Variants in DNAH7 observed in about 807,000 individuals in gnomAD.
The protein encoded by DNAH7 is axonemal beta dynein heavy chain 7.
Under a neutral mutation model 444.6 loss-of-function variants are expected in DNAH7, and 397 were observed. The observed-to-expected ratio is 0.89, with a 90% CI of 0.82 to 0.97. DNAH7 has a LOEUF of 0.97. Among genes scored for constraint, DNAH7 ranks in the 50% least tolerant of loss-of-function variants. The pLI is 0.00. For missense variants in DNAH7, 4,902 were observed against 4,800.8 expected (o/e 1.02, Z -0.62); for synonymous variants, 1,636 against 1,624.4 (o/e 1.01, Z -0.17).
intron 12 of DNAH7, among the ~76,000 whole-genome samples, chr2:195,997,667 A>G (rs1216488721): frequency 1.3e-5 from 2 of 151,554 alleles, no homozygotes; most frequent in Admixed American, 1.3e-4. Flanking sequence ...TTGCAGGTTT[A>G]CCTTCCATGA....
At chr2:195,889,902 T>C (rs1391712310) in intron 31 of DNAH7, among the ~76,000 whole-genome samples, 1 of 152,206 alleles carries the variant, frequency 6.6e-6, no homozygotes, top group South Asian at 2.1e-4. Context: ...CCCACAATGA[T>C]ATAATAAATA....
chr2:195,999,569 G>A (rs1693912190), intron 12 of DNAH7, among the ~76,000 whole-genome samples: 1 of 152,104 alleles, frequency 6.6e-6, no homozygotes, highest in Non-Finnish European at 1.5e-5. Context: ...AATCAGATCA[G>A]CAAAAACTGT....
In DNAH7 at chr2:195,972,371, G is replaced by A. The variant is rs768903185; in HGVS notation, c.1929C>T (p.Val643=). ...GCCTCATGTCTGCTGGAGAAAAGTTGACATACTCGATGAGGAAGGCGAGGC... is the reference window on the plus strand; with the variant it reads ...GCCTCATGTCTGCTGGAGAAAAGTTAACATACTCGATGAGGAAGGCGAGGC... ...KNCLAFLIEY[V]NFSPADMRLN... Residue 643 remains valine, a synonymous_variant, in exon 16 of 65, where the codon GTC becomes GTT. Coordinates refer to ENST00000312428, the MANE Select transcript of DNAH7 (RefSeq NM_018897.3). 1 of 1,614,028 alleles carries A rather than the reference G, an allele frequency of 6.2e-7. No homozygotes were observed. The highest frequency in any genetic ancestry group is 2.2e-5 in the East Asian group (1 of 44,870).
intron 60 of DNAH7, among the ~76,000 whole-genome samples, chr2:195,773,560 T>G (rs1339557259): frequency 6.6e-6 from 1 of 152,148 alleles, no homozygotes; most frequent in Non-Finnish European, 1.5e-5. Flanking sequence ...GAAAGTAATA[T>G]CCAACTGATA....
chr2:195,756,145 T>C lies in DNAH7; in HGVS notation c.11574A>G (p.Leu3858=), dbSNP rs759975316. ...TAGACGAACTTACCTGCAAGAATTT[T>C]AGTCTTGCAAGGAAGTCATTCACAT... is the stretch of plus-strand genomic sequence containing the variant. ...GSYVNDFLAR[L]KFLQQWYEVG... The change falls in exon 62 of 65, where the codon CTA becomes CTG. Residue 3858 remains leucine, a synonymous_variant. Coordinates refer to ENST00000312428, the MANE Select transcript of DNAH7 (RefSeq NM_018897.3). The C allele has an allele frequency of 9.4e-6, 15 of 1,597,378 alleles. No homozygotes were observed. The highest frequency in any genetic ancestry group is 1.3e-5 in the Non-Finnish European group (15 of 1,170,536).
At chr2:195,939,044 T>C (rs1052111936) in intron 19 of DNAH7, among the ~76,000 whole-genome samples, 6 of 152,144 alleles carry the variant, frequency 3.9e-5, no homozygotes, top group African/African-American at 1.4e-4. Context: ...CCCTTTTTTA[T>C]TATCTTGAAA....
intron 31 of DNAH7, among the ~76,000 whole-genome samples, chr2:195,891,415 CTT>C (rs5837481): frequency 1.4e-5 from 2 of 146,334 alleles, no homozygotes; most frequent in Non-Finnish European, 3.0e-5. Context: ...TTGCCCTGGC[CTT>C]TTTTTTTTTC....
rs552224678 is a variant in DNAH7 at position 196,036,047 on chromosome 2, T to TC, written c.399-8001dup. On this transcript the variant is annotated intron_variant, in intron 5 of 64. Transcript: ENST00000312428. ...ACATTCTTTTTTTTTTTTTTTTTTT[T>TC]CCAGGCAGAGTTTCACTCTTGTTGC... Among the ~76,000 whole-genome samples, 2,583 of 144,298 alleles carry TC rather than the reference T, an allele frequency of 0.018. 214 individuals are homozygous for TC. In the East Asian group the frequency reaches 0.25, roughly 14 times the overall value. 94.7% of individuals were successfully genotyped at this position (144,298 alleles called of 152,430 possible).
chr2:196,060,177 C>T (rs976569645), intron 1 of DNAH7, among the ~76,000 whole-genome samples: 1 of 152,052 alleles, frequency 6.6e-6, no homozygotes, highest in Non-Finnish European at 1.5e-5. Context: ...AAGATTGAGC[C>T]ACTGCACTCC....
intron 52 of DNAH7, among the ~76,000 whole-genome samples, chr2:195,809,194 G>A (rs888198475): frequency 2.0e-5 from 3 of 152,084 alleles, no homozygotes; most frequent in African/African-American, 7.2e-5. Flanking sequence ...AGCCCTATTG[G>A]CTCTAGAAAT....
chr2:196,057,575 T>G (rs1053948633), intron 2 of DNAH7, among the ~76,000 whole-genome samples: 10 of 152,224 alleles, frequency 6.6e-5, no homozygotes, highest in African/African-American at 2.2e-4. Context: ...GTACTTGAAA[T>G]GTCCAAGATC....
intron 49 of DNAH7, among the ~76,000 whole-genome samples, chr2:195,822,930 C>G (rs1697540548): frequency 6.6e-6 from 1 of 152,028 alleles, no homozygotes; most frequent in Non-Finnish European, 1.5e-5. Flanking sequence ...GTAATACTAT[C>G]TATTGGCTTT....
At chr2:195,980,848 A>C (rs895262231) in intron 15 of DNAH7, among the ~76,000 whole-genome samples, 7 of 151,752 alleles carry the variant, frequency 4.6e-5, no homozygotes, top group African/African-American at 1.7e-4. Context: ...TGTGCACAGG[A>C]GGACACAATA....
chr2:195,785,582 G>T (rs1695578448), intron 58 of DNAH7, among the ~76,000 whole-genome samples: 2 of 140,702 alleles, frequency 1.4e-5, no homozygotes, highest in Non-Finnish European at 1.5e-5. Context: ...CTAGTTTACT[G>T]AGAGCTTTTT....
At position 195,923,640 on chromosome 2, in the gene DNAH7, A is replaced by T; in HGVS notation, c.3780T>A (p.Asp1260Glu). ...LSSLVKKNIS[D>E]DSDFEWLSQL... ...GACTTAACCATTCAAAGTCAGAGTCATCGCTAATATTTTTTTTTACAAGTG... is the reference window on the plus strand; with the variant it reads ...GACTTAACCATTCAAAGTCAGAGTCTTCGCTAATATTTTTTTTTACAAGTG... The change falls in exon 23 of 65, where the codon GAT (aspartate) becomes GAA (glutamate). Residue 1260 changes from aspartate (D) to glutamate (E), a missense_variant. By Grantham distance (45) the Asp-to-Glu change is conservative. Transcript: ENST00000312428. 1.1e-5 allele frequency: 18 copies of T among 1,614,152 alleles called. No homozygotes were observed. The highest frequency in any genetic ancestry group is 1.5e-5 in the Non-Finnish European group (18 of 1,180,016).
rs1195871909 is a variant in DNAH7, at chr2:195,775,985, T to C, written c.11065-2A>G. On this transcript the variant is annotated splice_acceptor_variant, in intron 59 of 64. Coordinates refer to ENST00000312428, the MANE Select transcript of DNAH7 (RefSeq NM_018897.3). LOFTEE classifies it high-confidence loss of function. Reference sequence around the variant, plus strand: ...TGTGTATTCGATGTAGCTTTTGTGCTGCAGAGATGAATAACAAGAAGTCAG... The same window carrying C: ...TGTGTATTCGATGTAGCTTTTGTGCCGCAGAGATGAATAACAAGAAGTCAG... 2.5e-6 allele frequency: 4 copies of C among 1,612,914 alleles called. No homozygotes were observed. In the South Asian group the frequency reaches 4.4e-5, roughly 18 times the overall value.
chr2:195,884,278 A>T (rs1338819849), intron 35 of DNAH7, among the ~76,000 whole-genome samples: 1 of 152,196 alleles, frequency 6.6e-6, no homozygotes, highest in Non-Finnish European at 1.5e-5. Flanking sequence ...CTTAAACAGT[A>T]TGTGCCTGGT....
chr2:196,057,526 T>C (rs1190798511), intron 2 of DNAH7, among the ~76,000 whole-genome samples: 1 of 152,214 alleles, frequency 6.6e-6, no homozygotes, highest in African/African-American at 2.4e-5. Flanking sequence ...TTTGGTAATC[T>C]TGGTATTATT....
At position 195,993,647 on chromosome 2, in the gene DNAH7, G is replaced by C. The variant is rs16843609; in HGVS notation, c.1354-5418C>G. On this transcript the variant is annotated intron_variant, in intron 12 of 64. Coordinates refer to ENST00000312428, the MANE Select transcript of DNAH7 (RefSeq NM_018897.3). Reference sequence around the variant, plus strand: ...TCCTAAAGGCTATGGAGCTTTTAAGGGTTTTGAGGAAGTTTTGTGTCCCCT... The same window carrying C: ...TCCTAAAGGCTATGGAGCTTTTAAGCGTTTTGAGGAAGTTTTGTGTCCCCT... Among the ~76,000 whole-genome samples the C allele has an allele frequency of 0.02, 2,973 of 152,228 alleles. 247 individuals carry two copies. In the East Asian group the frequency reaches 0.27, roughly 14 times the overall value.
Sources: allele counts gnomAD v4.1 joint callset (sites outside exome capture counted in the v4.1 genomes callset), GRCh38; gene constraint gnomAD v4.1.1; transcripts MANE v1.5; gene names NCBI Gene and HGNC (gene_info 2026-07-23, HGNC 2026-07-21).